Variants in GGACT observed in about 807,000 individuals in gnomAD.
The protein encoded by GGACT is gamma-glutamylamine cyclotransferase.
For missense variants in GGACT, 241 were observed against 233.2 expected (o/e 1.03, Z -0.22); for synonymous variants, 118 against 115.3 (o/e 1.02, Z -0.15).
Position 100,545,987 on chromosome 13 carries a change from C to G in GGACT, c.-10-13386G>C, listed in dbSNP as rs1311843071. On this transcript the variant is annotated intron_variant, in intron 2 of 2. Coordinates refer to ENST00000683975, the MANE Select transcript of GGACT (RefSeq NM_001195087.2). This position sits in a 1 kb window ranked among gnomAD's most constrained non-coding sequence, Gnocchi z 4.4. ...CTTTCCCCCTCTTTTCCTCCATCAT[C>G]AGTAGGTGAAGGCAGACAGTGTTGA... Among the ~76,000 whole-genome samples, 1 of 152,198 alleles carries G rather than the reference C, an allele frequency of 6.6e-6. No homozygotes were observed. Among genetic ancestry groups the G allele is most frequent in the Admixed American group, 6.5e-5 (1 of 15,286 alleles).
intron 2 of GGACT, among the ~76,000 whole-genome samples, chr13:100,564,818 G>A (rs553357806): frequency 2.0e-5 from 3 of 152,144 alleles, no homozygotes; most frequent in East Asian, 1.9e-4. Context: ...TCTATGCCCC[G>A]GGCAGGGGGC....
At chr13:100,586,468 T>G (rs7324168) in intron 1 of GGACT, among the ~76,000 whole-genome samples, 137,615 of 150,652 alleles carry the variant, frequency 0.91, 63,716 homozygotes, top group Non-Finnish European at 0.99. Context: ...AGCCTTGCTT[T>G]CCAGGCACCC....
intron 2 of GGACT, among the ~76,000 whole-genome samples, chr13:100,565,479 C>T (rs546791849): frequency 6.6e-6 from 1 of 152,266 alleles, no homozygotes; most frequent in East Asian, 1.9e-4. Flanking sequence ...GCTGGTGACA[C>T]CAGGTGTTTG....
At chr13:100,569,602 T>A (rs533704738) in intron 2 of GGACT, among the ~76,000 whole-genome samples, 1 of 152,250 alleles carries the variant, frequency 6.6e-6, no homozygotes, top group Non-Finnish European at 1.5e-5. Flanking sequence ...CTGCTGAGAA[T>A]GTCTCTGATA....
Position 100,532,574 on chromosome 13 carries a change from C to A in GGACT, c.18G>T (p.Val6=), listed in dbSNP as rs2088427792. 6.5e-7 allele frequency: 1 copy of A among 1,545,550 alleles called. No individual in the cohort carries two copies. Among genetic ancestry groups the A allele is most frequent in the East Asian group, 2.5e-5 (1 of 40,740 alleles). The stretch of plus-strand genomic sequence containing the variant: ...GCTGACCCCGCTTCAGGGTGCCGTA[C>A]ACGAAGACTAGGGCCATCCGGGCAG... The part of the protein sequence containing the change: MALVF[V]YGTLKRGQPN... The change falls in exon 3 of 3, where the codon GTG becomes GTT. Residue 6 remains valine (V), a synonymous_variant. Coordinates refer to ENST00000683975, the MANE Select transcript of GGACT (RefSeq NM_001195087.2).
chr13:100,536,919 T>G (rs1306447624), intron 2 of GGACT: 1 of 152,624 alleles, frequency 6.6e-6, no homozygotes, highest in Non-Finnish European at 1.5e-5. Context: ...TTGTGCACAC[T>G]CCCAGCCTTT....
intron 2 of GGACT, among the ~76,000 whole-genome samples, chr13:100,541,978 T>C (rs1321418214): frequency 6.6e-6 from 1 of 152,192 alleles, no homozygotes; most frequent in Non-Finnish European, 1.5e-5. Context: ...CTGGCTTCTG[T>C]CATAAGAAAA....
intron 2 of GGACT, chr13:100,533,750 C>T (rs528194892): frequency 6.6e-6 from 1 of 152,328 alleles, no homozygotes; most frequent in South Asian, 2.1e-4. Flanking sequence ...AAATATTTAC[C>T]ACTTGCCTGG....
chr13:100,543,406 C>T (rs2088573636), intron 2 of GGACT, among the ~76,000 whole-genome samples: 1 of 151,870 alleles, frequency 6.6e-6, no homozygotes, highest in Non-Finnish European at 1.5e-5. Context: ...TGGGGTTTCA[C>T]CATATTGGCC....
At chr13:100,539,747 T>C in intron 2 of GGACT, 1 of 624,546 alleles carries the variant, frequency 1.6e-6, no homozygotes. Flanking sequence ...TAGAAGAGTT[T>C]CAGGAGGACT....
chr13:100,562,256 C>T (rs2088769259), intron 2 of GGACT, among the ~76,000 whole-genome samples: 1 of 152,184 alleles, frequency 6.6e-6, no homozygotes, highest in African/African-American at 2.4e-5. Context: ...TTCTCTACAA[C>T]TAAGCTCGGT....
At chr13:100,533,400 T>G (rs1413258572) in intron 2 of GGACT, 2 of 152,246 alleles carry the variant, frequency 1.3e-5, no homozygotes, top group Non-Finnish European at 1.5e-5. Context: ...ATTAGGACAG[T>G]CTGTCAAACC....
intron 2 of GGACT, among the ~76,000 whole-genome samples, chr13:100,578,044 A>C (rs1875304774): frequency 6.6e-6 from 1 of 152,162 alleles, no homozygotes; most frequent in Non-Finnish European, 1.5e-5. Flanking sequence ...AGAAAAGGGA[A>C]ATGGATGTTT....
chr13:100,543,234 G>A (rs1461042202), intron 2 of GGACT, among the ~76,000 whole-genome samples: 1 of 79,664 alleles, frequency 1.3e-5, no homozygotes, highest in Non-Finnish European at 2.2e-5. Context: ...TTGAGACGGA[G>A]TGTCGCTCTG....
intron 1 of GGACT, among the ~76,000 whole-genome samples, chr13:100,585,402 T>C (rs1165476360): frequency 6.6e-6 from 1 of 152,108 alleles, no homozygotes; most frequent in Non-Finnish European, 1.5e-5. Flanking sequence ...GCAGAGACCA[T>C]AGGGCCTGCA....
intron 2 of GGACT, among the ~76,000 whole-genome samples, chr13:100,546,751 C>T (rs150749676): frequency 4.3e-4 from 65 of 152,330 alleles, no homozygotes; most frequent in African/African-American, 1.5e-3. Flanking sequence ...TGCCAAGTTG[C>T]GAGGCTGAGC....
At chr13:100,569,998 T>G (rs1474879969) in intron 2 of GGACT, among the ~76,000 whole-genome samples, 2 of 152,238 alleles carry the variant, frequency 1.3e-5, no homozygotes, top group African/African-American at 4.8e-5. Flanking sequence ...ATCAGCATTT[T>G]GGACAAAGTC....
chr13:100,577,542 A>C (rs2153016884), intron 2 of GGACT, among the ~76,000 whole-genome samples: 1 of 152,168 alleles, frequency 6.6e-6, no homozygotes, highest in East Asian at 1.9e-4. Flanking sequence ...TATGTAAAAA[A>C]CCCTCAAAAT....
intron 2 of GGACT, among the ~76,000 whole-genome samples, chr13:100,565,871 C>T (rs1300276499): frequency 6.6e-6 from 1 of 152,174 alleles, no homozygotes; most frequent in African/African-American, 2.4e-5. Flanking sequence ...TAGTGACTGA[C>T]AGCCAACAAA....
Sources: allele counts gnomAD v4.1 joint callset (sites outside exome capture counted in the v4.1 genomes callset), GRCh38; gene constraint gnomAD v4.1.1; non-coding constraint Gnocchi (gnomAD v3.1); transcripts MANE v1.5; gene names NCBI Gene and HGNC (gene_info 2026-07-23, HGNC 2026-07-21).